CDH22: variants seen among roughly 807,000 people sequenced by gnomAD.
The protein encoded by CDH22 is cadherin-22.
CDH22 carries 30 observed loss-of-function variants against 58.4 expected under a neutral mutation model. That is an observed-to-expected ratio of 0.51 (90% CI 0.38 to 0.70). The LOEUF (loss-of-function observed/expected upper bound fraction) is 0.70, where lower values mean the gene tolerates loss of function less well. Among genes scored for constraint, CDH22 ranks in the 30% least tolerant of loss-of-function variants. The pLI is 0.00. For missense variants in CDH22, 1,014 were observed against 1,233.9 expected (o/e 0.82, Z 2.67); for synonymous variants, 513 against 558.2 (o/e 0.92, Z 1.14).
In CDH22 at chr20:46,216,805, C is replaced by T; in HGVS notation, c.838+21G>A. 2 of 1,583,514 alleles carry T rather than the reference C, an allele frequency of 1.3e-6. No homozygotes were observed. Among genetic ancestry groups the T allele is most frequent in the Non-Finnish European group, 1.7e-6 (2 of 1,154,944 alleles). ...CAGACAGACACACAGACGCGCCTTC[C>T]TCTGGGAAGGCCTCACTCACTCTGC... On this transcript the variant is annotated intron_variant, in intron 5 of 11. Coordinates refer to ENST00000537909, the MANE Select transcript of CDH22 (RefSeq NM_021248.3). The surrounding 1 kb of genome is among the most constrained non-coding windows in gnomAD (Gnocchi z 5.3).
chr20:46,286,194 C>T (rs1232388655), intron 1 of CDH22, among the ~76,000 whole-genome samples: 3 of 152,118 alleles, frequency 2.0e-5, no homozygotes, highest in Admixed American at 2.0e-4. Context: ...GGCAGGTGTT[C>T]TCTTACTCAA....
At chr20:46,267,591 G>C (rs1041751720) in intron 1 of CDH22, among the ~76,000 whole-genome samples, 23 of 152,246 alleles carry the variant, frequency 1.5e-4, no homozygotes, top group African/African-American at 5.5e-4. Context: ...ACTCAGCTCT[G>C]CAGCTGAATG....
intron 1 of CDH22, among the ~76,000 whole-genome samples, chr20:46,263,095 C>T (rs970661160): frequency 6.6e-6 from 1 of 152,214 alleles, no homozygotes; most frequent in Non-Finnish European, 1.5e-5. Flanking sequence ...GCATTCTGCC[C>T]ACTGGCTGTG....
At chr20:46,187,295 C>T (rs114040778) in intron 8 of CDH22, among the ~76,000 whole-genome samples, 2,860 of 152,052 alleles carry the variant, frequency 0.019, 92 homozygotes, top group African/African-American at 0.067. Context: ...TTTGCCATCA[C>T]TACCACTATT....
chr20:46,241,244 G>A lies in CDH22; in HGVS notation c.269C>T (p.Ser90Leu), dbSNP rs2086288525. ...PLYVGKIHSDSDEGDGAIKYT... is the reference protein window; with the variant it reads ...PLYVGKIHSDLDEGDGAIKYT... ...CTTGATGGCCCCGTCACCCTCGTCT[G>A]AGTCGGAGTGGATCTGGGTAGGCAG... is the stretch of plus-strand genomic sequence containing the variant. The change falls in exon 3 of 12, where the codon TCA (serine) becomes TTA (leucine). Residue 90 changes from serine (S) to leucine (L), a missense_variant. Ser to Leu is a moderately radical substitution (Grantham distance 145). Around this residue, in one of 2 missense-constraint regions of CDH22, gnomAD observed 806 missense variants for 1,038.7 expected, o/e 0.78. Transcript: ENST00000537909. The surrounding 1 kb of genome is among the most constrained non-coding windows in gnomAD (Gnocchi z 5.2). 1 of 1,603,384 alleles carries A rather than the reference G, an allele frequency of 6.2e-7. No individual in the cohort carries two copies.
intron 8 of CDH22, among the ~76,000 whole-genome samples, chr20:46,187,275 C>T (rs1379940271): frequency 6.6e-6 from 1 of 152,038 alleles, no homozygotes; most frequent in Non-Finnish European, 1.5e-5. Flanking sequence ...CCATCTCCAC[C>T]ATGGCCACCT....
At chr20:46,306,361 G>T (rs1435503213) in intron 1 of CDH22, among the ~76,000 whole-genome samples, 2 of 152,260 alleles carry the variant, frequency 1.3e-5, no homozygotes, top group East Asian at 1.9e-4. Context: ...AAAGAGGGCA[G>T]CCCAGGTGGT....
At position 46,181,795 on chromosome 20, in the gene CDH22, T is replaced by TTTCTTTCTTTCTTTC. The variant is rs1491111907; in HGVS notation, c.1664-3599_1664-3598insGAAAGAAAGAAAGAA. Among the ~76,000 whole-genome samples the TTTCTTTCTTTCTTTC allele has an allele frequency of 5.9e-3, 268 of 45,518 alleles. 16 individuals are homozygous for TTTCTTTCTTTCTTTC. Among genetic ancestry groups the TTTCTTTCTTTCTTTC allele is most frequent in the African/African-American group, 0.012 (161 of 13,736 alleles). 29.9% of individuals were successfully genotyped at this position (45,518 alleles called of 152,430 possible). On this transcript the variant is annotated intron_variant, in intron 10 of 11. Coordinates refer to ENST00000537909, the MANE Select transcript of CDH22 (RefSeq NM_021248.3). ...TCTTTCTTTCTTTCTTTCTTTCTTT[T>TTTCTTTCTTTCTTTC]CTCTCTCTTTCTCTTTCCTTTCTTT...
intron 1 of CDH22, among the ~76,000 whole-genome samples, chr20:46,280,887 T>C (rs1433577447): frequency 2.5e-4 from 38 of 152,364 alleles, no homozygotes; most frequent in Admixed American, 2.4e-3. Context: ...CTAGGCAGTG[T>C]CTGGCTTAAC....
intron 1 of CDH22, among the ~76,000 whole-genome samples, chr20:46,276,256 G>T (rs955699312): frequency 6.6e-6 from 1 of 152,196 alleles, no homozygotes; most frequent in Admixed American, 6.5e-5. Flanking sequence ...GAGAGACCCT[G>T]GACTTTAGAC....
intron 1 of CDH22, among the ~76,000 whole-genome samples, chr20:46,253,114 C>T (rs139546726): frequency 1.1e-3 from 172 of 152,332 alleles, no homozygotes; most frequent in Admixed American, 2.1e-3. Context: ...TTCCTGAGAA[C>T]AAAGAAAGTG....
chr20:46,255,613 C>T (rs142004703), intron 1 of CDH22, among the ~76,000 whole-genome samples: 1 of 152,306 alleles, frequency 6.6e-6, no homozygotes, highest in Non-Finnish European at 1.5e-5. Context: ...GCCTACAGGT[C>T]CTCCCTCAGG....
At chr20:46,291,399 T>A (rs1230866466) in intron 1 of CDH22, among the ~76,000 whole-genome samples, 2 of 152,250 alleles carry the variant, frequency 1.3e-5, no homozygotes, top group Non-Finnish European at 2.9e-5. Context: ...TCATTTTTAA[T>A]CCTCCATTGA....
chr20:46,190,774 C>T (rs2085857471), intron 8 of CDH22, among the ~76,000 whole-genome samples: 1 of 152,190 alleles, frequency 6.6e-6, no homozygotes, highest in Non-Finnish European at 1.5e-5. Flanking sequence ...GTGCTTCCTC[C>T]TTGAACTGCC....
intron 1 of CDH22, among the ~76,000 whole-genome samples, chr20:46,293,618 A>C (rs1406511049): frequency 6.6e-6 from 1 of 152,150 alleles, no homozygotes; most frequent in Non-Finnish European, 1.5e-5. Context: ...AAGTCCTCTG[A>C]CTAAAGAAAC....
chr20:46,177,831 C>T (rs2085751707), intron 11 of CDH22, 115 bp downstream of exon 11: 16 of 1,346,106 alleles, frequency 1.2e-5, no homozygotes, highest in Non-Finnish European at 1.5e-5. Flanking sequence ...GTTTGGCCAG[C>T]CCATCCTCAT....
At chr20:46,275,635 T>C (rs1461006833) in intron 1 of CDH22, among the ~76,000 whole-genome samples, 1 of 152,148 alleles carries the variant, frequency 6.6e-6, no homozygotes, top group Non-Finnish European at 1.5e-5. Context: ...GGAAAGGTGC[T>C]CAACAAATAT....
intron 1 of CDH22, among the ~76,000 whole-genome samples, chr20:46,263,327 T>G (rs1406306103): frequency 6.6e-6 from 1 of 152,128 alleles, no homozygotes; most frequent in Non-Finnish European, 1.5e-5. Flanking sequence ...AAATATTTAT[T>G]GAGCACCTAC....
At chr20:46,223,679 T>TTCTTTCTC (rs1568664116) in intron 4 of CDH22, among the ~76,000 whole-genome samples, 2 of 68,216 alleles carry the variant, frequency 2.9e-5, no homozygotes. Flanking sequence ...CTTTCTTTCT[T>TTCTTTCTC]TCTTTCTTTC....
Sources: allele counts gnomAD v4.1 joint callset (sites outside exome capture counted in the v4.1 genomes callset), GRCh38; gene constraint gnomAD v4.1.1; regional missense constraint gnomAD v4.1.1; non-coding constraint Gnocchi (gnomAD v3.1); transcripts MANE v1.5; gene names NCBI Gene and HGNC (gene_info 2026-07-23, HGNC 2026-07-21).